Variants in KLHL22 observed in about 807,000 individuals in gnomAD.
KLHL22 encodes the protein kelch like family member 22.
In KLHL22, 18 loss-of-function variants were observed where a neutral mutation model predicts 60.7. That is an observed-to-expected ratio of 0.30 (90% CI 0.20 to 0.44). The LOEUF is 0.44. Among genes scored for constraint, KLHL22 ranks in the 20% least tolerant of loss-of-function variants. The pLI, the probability that KLHL22 is intolerant of heterozygous loss-of-function variation, is 1.00. For synonymous variants in KLHL22, 355 were observed against 354.5 expected (o/e 1.00, Z -0.01); for missense variants, 596 against 852.3 (o/e 0.70, Z 3.74).
chr22:20,446,371 A>G (rs2052860708), intron 6 of KLHL22, 72 bp downstream of exon 6: 1 of 893,760 alleles, frequency 1.1e-6, no homozygotes, highest in African/African-American at 1.6e-5. Context: ...TGATTCAATT[A>G]CATTTTCCAT....
chr22:20,475,277 C>G (rs1047615360), intron 2 of KLHL22: 26 of 150,736 alleles, frequency 1.7e-4, no homozygotes, highest in Admixed American at 6.6e-5. Flanking sequence ...TGTGAACAAT[C>G]AACTGAGGTA....
intron 2 of KLHL22, chr22:20,483,404 C>T (rs1329150090): frequency 3.4e-5 from 28 of 828,334 alleles, no homozygotes; most frequent in East Asian, 2.2e-4. Flanking sequence ...TCTACCTCCA[C>T]AGTCAACCCA....
At chr22:20,474,525 G>A (rs2053378797) in intron 2 of KLHL22, among the ~76,000 whole-genome samples, 1 of 152,128 alleles carries the variant, frequency 6.6e-6, no homozygotes. Flanking sequence ...CCGGGTAGCT[G>A]GGATTACAGT....
chr22:20,476,948 C>G (rs1004950835), intron 2 of KLHL22, among the ~76,000 whole-genome samples: 1 of 150,632 alleles, frequency 6.6e-6, no homozygotes, highest in African/African-American at 2.4e-5. Flanking sequence ...CTGATGTGAT[C>G]CACCCACCTC....
intron 2 of KLHL22, among the ~76,000 whole-genome samples, chr22:20,485,504 T>C (rs112282880): frequency 2.6e-5 from 4 of 152,108 alleles, no homozygotes; most frequent in African/African-American, 9.6e-5. Flanking sequence ...AAGGGACAAT[T>C]AGGGAAAGCT....
chr22:20,480,992 C>T (rs562528221), intron 2 of KLHL22, among the ~76,000 whole-genome samples: 50 of 151,670 alleles, frequency 3.3e-4, no homozygotes, highest in Non-Finnish European at 6.6e-4. Flanking sequence ...CCACCATGCC[C>T]GGCTAATTTT....
chr22:20,471,336 G>A lies in KLHL22; in HGVS notation c.393+14C>T, dbSNP rs369506484. 3.1e-6 allele frequency: 5 copies of A among 1,611,418 alleles called. No individual in the cohort carries two copies. The highest frequency in any genetic ancestry group is 3.4e-6 in the Non-Finnish European group (4 of 1,178,452). On this transcript the variant is annotated intron_variant, in intron 3 of 6. Transcript: ENST00000328879. Reference sequence around the variant, plus strand: ...TGGGTGTGGGTCTGCCTTGCTAGATGAGACATGCCTCACCTGAAGCTGGCA... The same window carrying A: ...TGGGTGTGGGTCTGCCTTGCTAGATAAGACATGCCTCACCTGAAGCTGGCA...
At position 20,441,920 on chromosome 22, in the gene KLHL22, G is replaced by C. The variant is rs1005040122; in HGVS notation, c.*153C>G. 6 of 705,232 alleles carry C rather than the reference G, an allele frequency of 8.5e-6. No individual in the cohort carries two copies. The highest frequency in any genetic ancestry group is 1.8e-5 in the African/African-American group (1 of 54,370). 43.7% of individuals were successfully genotyped at this position (705,232 alleles called of 1,614,324 possible). A position where few individuals can be genotyped will look rare whatever the true frequency, so the allele number is the denominator to read the frequency against. On this transcript the variant is annotated 3_prime_UTR_variant, in exon 7 of 7. Coordinates refer to ENST00000328879, the MANE Select transcript of KLHL22 (RefSeq NM_032775.4). ...GAGATGCCTGCGGCAGGCTGGCCAA[G>C]GGGCTGGTGTGAAGAAAGAGGGCAG...
At chr22:20,443,917 G>A (rs1349329092) in intron 6 of KLHL22, among the ~76,000 whole-genome samples, 1 of 151,928 alleles carries the variant, frequency 6.6e-6, no homozygotes, top group African/African-American at 2.4e-5. Context: ...GTGTGGTGGC[G>A]AACACCTGTA....
chr22:20,487,903 T>C (rs1432339896), intron 2 of KLHL22, among the ~76,000 whole-genome samples: 2 of 152,160 alleles, frequency 1.3e-5, no homozygotes, highest in Non-Finnish European at 2.9e-5. Context: ...ATACAGGTCC[T>C]AAGTCCCCTG....
At chr22:20,490,752 G>A (rs191931654) in intron 1 of KLHL22, among the ~76,000 whole-genome samples, 1 of 152,144 alleles carries the variant, frequency 6.6e-6, no homozygotes, top group South Asian at 2.1e-4. Flanking sequence ...TTCACAACAG[G>A]GTTTGTGCTC....
intron 4 of KLHL22, among the ~76,000 whole-genome samples, chr22:20,461,413 C>T (rs184057446): frequency 6.1e-4 from 93 of 151,896 alleles, no homozygotes; most frequent in African/African-American, 2.1e-3. Flanking sequence ...ATTAGCCAGG[C>T]GTGGTGGTGG....
intron 6 of KLHL22, among the ~76,000 whole-genome samples, chr22:20,444,984 C>T (rs1017089117): frequency 2.0e-5 from 3 of 152,018 alleles, no homozygotes; most frequent in African/African-American, 7.3e-5. Context: ...TGGAGTTTCA[C>T]CATGTTGCCC....
intron 2 of KLHL22, among the ~76,000 whole-genome samples, chr22:20,481,643 G>C (rs2053503612): frequency 6.6e-6 from 1 of 152,038 alleles, no homozygotes; most frequent in East Asian, 1.9e-4. Context: ...CGCGCAAGCT[G>C]GACTGTAGTG....
rs751561069 is a variant in KLHL22, at chr22:20,495,054, G to A, written c.-34+706C>T. Among the ~76,000 whole-genome samples, 27 of 152,304 alleles carry A rather than the reference G, an allele frequency of 1.8e-4. No individual in the cohort carries two copies. Among genetic ancestry groups the A allele is most frequent in the Non-Finnish European group, 3.2e-4 (22 of 68,018 alleles). ...GCAGCCTTCCAAAGGGTGCGCTCTG[G>A]AAGAATCTCCCAGGGAGCCGTCTTG... On this transcript the variant is annotated intron_variant, in intron 1 of 6. Transcript: ENST00000328879. This position sits in a 1 kb window ranked among gnomAD's most constrained non-coding sequence, Gnocchi z 4.6.
At chr22:20,449,699 C>A (rs1270266237) in intron 5 of KLHL22, among the ~76,000 whole-genome samples, 2 of 152,228 alleles carry the variant, frequency 1.3e-5, no homozygotes, top group African/African-American at 2.4e-5. Context: ...AGCCACCACA[C>A]CTGGCCGTTT....
intron 2 of KLHL22, chr22:20,482,084 T>G (rs1015468198): frequency 7.2e-5 from 11 of 152,092 alleles, no homozygotes; most frequent in African/African-American, 2.2e-4. Context: ...GGTCACCATA[T>G]TGATGCCAAA....
intron 5 of KLHL22, among the ~76,000 whole-genome samples, chr22:20,449,770 G>A (rs1482779880): frequency 6.6e-6 from 1 of 152,220 alleles, no homozygotes; most frequent in Non-Finnish European, 1.5e-5. Context: ...TGTCAGATAG[G>A]TGGTTTGCAA....
chr22:20,488,609 G>T, intron 2 of KLHL22: 1 of 270,568 alleles, frequency 3.7e-6, no homozygotes, highest in South Asian at 4.0e-5. Flanking sequence ...GCTAACACCT[G>T]AGGGATGAGA....
Sources: allele counts gnomAD v4.1 joint callset (sites outside exome capture counted in the v4.1 genomes callset), GRCh38; gene constraint gnomAD v4.1.1; non-coding constraint Gnocchi (gnomAD v3.1); transcripts MANE v1.5; gene names NCBI Gene and HGNC (gene_info 2026-07-23, HGNC 2026-07-21).